The following SLC8A1 variants were observed in gnomAD, a reference collection of about 807,000 sequenced individuals.
SLC8A1 encodes solute carrier family 8 member A1.
Under a neutral mutation model 68.3 loss-of-function variants are expected in SLC8A1, and 18 were observed. The observed-to-expected ratio is 0.26, with a 90% CI of 0.18 to 0.39. The LOEUF (loss-of-function observed/expected upper bound fraction) is 0.39. SLC8A1 is among the 10% of genes least tolerant of loss of function. The pLI, the probability that SLC8A1 is intolerant of heterozygous loss-of-function variation, is 1.00. For synonymous variants in SLC8A1, 475 were observed against 415.5 expected (o/e 1.14, Z -1.74); for missense variants, 985 against 1,156.7 (o/e 0.85, Z 2.15).
chr2:40,488,424 A>G lies in SLC8A1; in HGVS notation c.-25+23925T>C, dbSNP rs115725589. On this transcript the variant is annotated intron_variant, in intron 1 of 7. Coordinates refer to the SLC8A1 transcript ENST00000402441. ...ATGTGCAGGCAGACCCTCTTGAAAC[A>G]TGATTCCCAAGCTACCCACTTTCTA... 1.5e-3 allele frequency among the ~76,000 whole-genome samples: 223 copies of G among 151,354 alleles called. 2 individuals carry two copies. The highest frequency in any genetic ancestry group is 5.3e-3 in the African/African-American group (216 of 41,076).
At chr2:40,232,598 G>GTTT (rs142725013) in intron 2 of SLC8A1, among the ~76,000 whole-genome samples, 18 of 133,584 alleles carry the variant, frequency 1.3e-4, no homozygotes, top group South Asian at 9.7e-4. Context: ...TTTGTATTCT[G>GTTT]TTTTTTTTTT....
intron 2 of SLC8A1, among the ~76,000 whole-genome samples, chr2:40,222,618 A>G (rs1353219321): frequency 6.6e-6 from 1 of 152,230 alleles, no homozygotes; most frequent in Admixed American, 6.5e-5. Flanking sequence ...ACTGCAATCT[A>G]TCCATCTGAC....
At chr2:40,250,098 T>C (rs573812742) in intron 2 of SLC8A1, among the ~76,000 whole-genome samples, 77 of 152,280 alleles carry the variant, frequency 5.1e-4, no homozygotes, top group Non-Finnish European at 7.2e-4. Flanking sequence ...TTAGCTTAAA[T>C]TGTTAAAGGG....
chr2:40,145,938 A>G (rs2042381526), intron 6 of SLC8A1, among the ~76,000 whole-genome samples: 1 of 150,692 alleles, frequency 6.6e-6, no homozygotes, highest in African/African-American at 2.4e-5. Context: ...CAGTAACCCA[A>G]AGATTTATTC....
chr2:40,262,947 C>T (rs2064897774), intron 2 of SLC8A1, among the ~76,000 whole-genome samples: 2 of 152,192 alleles, frequency 1.3e-5, no homozygotes, highest in South Asian at 4.1e-4. Context: ...AGTACAGTAA[C>T]AATGTCCTTA....
intron 4 of SLC8A1, 60 bp from the exon 7 acceptor site, chr2:40,170,409 C>G: frequency 6.9e-7 from 1 of 1,448,562 alleles, no homozygotes; most frequent in Middle Eastern, 1.7e-4. Context: ...GCTATCAGAG[C>G]TTTGTGGAAT....
At chr2:40,138,972 C>T (rs192898892) in intron 7 of SLC8A1, among the ~76,000 whole-genome samples, 17 of 152,284 alleles carry the variant, frequency 1.1e-4, no homozygotes, top group East Asian at 3.9e-4. Flanking sequence ...CCAGTAAGTA[C>T]GTTTTCCTAG....
rs145683746 is a variant in SLC8A1, at chr2:40,169,758, T to A, written c.1931-4774A>T. Among the ~76,000 whole-genome samples, 1,034 of 152,144 alleles carry A rather than the reference T, an allele frequency of 6.8e-3. 10 individuals carry two copies. The highest frequency in any genetic ancestry group is 0.023 in the African/African-American group (957 of 41,486). ...GAGTTCCAGACCAGCCTGGGCCACA[T>A]GGTGAGACCCCGTCTCTACAAAAAG... On this transcript the variant is annotated intron_variant, in intron 4 of 7. Transcript: ENST00000406785.
chr2:40,364,624 G>C (rs577034388), intron 2 of SLC8A1, among the ~76,000 whole-genome samples: 1 of 151,378 alleles, frequency 6.6e-6, no homozygotes. Context: ...CCTTTTGTTC[G>C]GCAGATGAGA....
At chr2:40,432,127 A>G (rs1417250016) in intron 1 of SLC8A1, among the ~76,000 whole-genome samples, 1 of 152,056 alleles carries the variant, frequency 6.6e-6, no homozygotes, top group Non-Finnish European at 1.5e-5. Context: ...AAATTTAACC[A>G]TCCTGCAAGA....
At chr2:40,349,382 T>G (rs1670347634) in intron 2 of SLC8A1, among the ~76,000 whole-genome samples, 1 of 152,180 alleles carries the variant, frequency 6.6e-6, no homozygotes, top group Non-Finnish European at 1.5e-5. Context: ...TTTAAGGATT[T>G]CTGTGGAAAA....
chr2:40,253,870 A>AGCAGGAGTG (rs1350332379), intron 2 of SLC8A1, among the ~76,000 whole-genome samples: 2 of 146,182 alleles, frequency 1.4e-5, no homozygotes, highest in Non-Finnish European at 3.0e-5. Flanking sequence ...TAGGAAGGAC[A>AGCAGGAGTG]GCAGGAGTGG....
intron 2 of SLC8A1, among the ~76,000 whole-genome samples, chr2:40,402,677 T>C (rs930922340): frequency 6.6e-6 from 1 of 152,198 alleles, no homozygotes; most frequent in Non-Finnish European, 1.5e-5. Context: ...TCCCTAATTA[T>C]GGCCATCATC....
At chr2:40,259,530 G>C (rs1380698640) in intron 2 of SLC8A1, among the ~76,000 whole-genome samples, 1 of 151,728 alleles carries the variant, frequency 6.6e-6, no homozygotes, top group Non-Finnish European at 1.5e-5. Context: ...GCCCAGGCTG[G>C]AGCACAGTGA....
intron 2 of SLC8A1, among the ~76,000 whole-genome samples, chr2:40,406,906 A>G (rs1690546966): frequency 6.6e-6 from 1 of 152,162 alleles, no homozygotes; most frequent in Non-Finnish European, 1.5e-5. Flanking sequence ...ATAGCACAGT[A>G]ACAAGGCAAT....
At chr2:40,232,216 C>A (rs2059743837) in intron 2 of SLC8A1, among the ~76,000 whole-genome samples, 1 of 152,084 alleles carries the variant, frequency 6.6e-6, no homozygotes, top group South Asian at 2.1e-4. Context: ...CATTTGTGCT[C>A]TACCTTCTTT....
At chr2:40,371,618 T>C (rs905892079) in intron 2 of SLC8A1, among the ~76,000 whole-genome samples, 1 of 152,134 alleles carries the variant, frequency 6.6e-6, no homozygotes, top group Non-Finnish European at 1.5e-5. Context: ...GAATGCTCAA[T>C]AAATCCTAGC....
intron 1 of SLC8A1, among the ~76,000 whole-genome samples, chr2:40,464,329 G>C (rs561675307): frequency 6.6e-6 from 1 of 152,156 alleles, no homozygotes; most frequent in African/African-American, 2.4e-5. Flanking sequence ...TAGAGACAAC[G>C]CATTTCATAA....
At chr2:40,256,505 T>G (rs1299561553) in intron 2 of SLC8A1, among the ~76,000 whole-genome samples, 1 of 152,230 alleles carries the variant, frequency 6.6e-6, no homozygotes, top group African/African-American at 2.4e-5. Flanking sequence ...TGGGAGTGAT[T>G]CTATCTTTAC....
Sources: allele counts gnomAD v4.1 joint callset (sites outside exome capture counted in the v4.1 genomes callset), GRCh38; gene constraint gnomAD v4.1.1; transcripts MANE v1.5; gene names NCBI Gene and HGNC (gene_info 2026-07-23, HGNC 2026-07-21).